The following CAMK4 variants were observed in gnomAD, a reference collection of about 807,000 sequenced individuals.
CAMK4 encodes the protein calcium/calmodulin-dependent protein kinase type IV.
A neutral mutation model predicts 44.9 loss-of-function variants in CAMK4; 22 were observed. That is an observed-to-expected ratio of 0.49 (90% CI 0.35 to 0.70). The LOEUF (loss-of-function observed/expected upper bound fraction) is 0.70, where lower values mean the gene tolerates loss of function less well. CAMK4 is among the 30% of genes least tolerant of loss of function. The probability of loss-of-function intolerance (pLI) is 0.01; values close to 1 mark genes in which losing one functional copy is unlikely to be tolerated. For missense variants in CAMK4, 498 were observed against 586.8 expected, an observed-to-expected ratio of 0.85 and a Z score of 1.56; for synonymous variants, 218 against 215.4, an observed-to-expected ratio of 1.01 and a Z score of -0.11.
At chr5:111,264,932 C>T (rs1051248429) in intron 1 of CAMK4, among the ~76,000 whole-genome samples, 1 of 152,046 alleles carries the variant, frequency 6.6e-6, no homozygotes. Context: ...GCTTTCTTGC[C>T]GTTGACCTTT....
chr5:111,370,215 T>A (rs568663767), intron 2 of CAMK4, among the ~76,000 whole-genome samples: 2 of 152,290 alleles, frequency 1.3e-5, no homozygotes, highest in East Asian at 1.9e-4. Flanking sequence ...TAGCCCAGAC[T>A]TTTTGCAGTC....
intron 1 of CAMK4, among the ~76,000 whole-genome samples, chr5:111,254,945 G>A (rs1749676601): frequency 6.6e-6 from 1 of 151,990 alleles, no homozygotes; most frequent in Admixed American, 6.6e-5. Flanking sequence ...GATGCTGGGG[G>A]GAAATGTGAA....
chr5:111,407,396 T>C (rs1752476984), intron 5 of CAMK4, among the ~76,000 whole-genome samples: 1 of 148,236 alleles, frequency 6.7e-6, no homozygotes, highest in South Asian at 2.1e-4. Flanking sequence ...CCCCAAAGTA[T>C]ACTAATAGAG....
chr5:111,264,570 T>C (rs1355423065), intron 1 of CAMK4, among the ~76,000 whole-genome samples: 1 of 152,228 alleles, frequency 6.6e-6, no homozygotes, highest in Admixed American at 6.5e-5. Flanking sequence ...AAATCTATTG[T>C]CCATGTGGTG....
chr5:111,417,489 T>A (rs1438051708), intron 5 of CAMK4, among the ~76,000 whole-genome samples: 1 of 151,966 alleles, frequency 6.6e-6, no homozygotes, highest in African/African-American at 2.4e-5. Context: ...GTGCTGGGAT[T>A]ACAGGCATGA....
At chr5:111,296,614 A>G (rs908751576) in intron 1 of CAMK4, among the ~76,000 whole-genome samples, 37 of 152,256 alleles carry the variant, frequency 2.4e-4, no homozygotes, top group African/African-American at 8.4e-4. Flanking sequence ...GGACAACTCT[A>G]TAAATGAGTA....
chr5:111,443,273 T>C (rs1184128051), intron 5 of CAMK4, among the ~76,000 whole-genome samples: 17 of 50,830 alleles, frequency 3.3e-4, no homozygotes, highest in African/African-American at 1.5e-3. Context: ...TATATATATA[T>C]ATATATACAC....
chr5:111,377,191 T>C (rs1348684245), intron 4 of CAMK4, among the ~76,000 whole-genome samples: 1 of 152,046 alleles, frequency 6.6e-6, no homozygotes, highest in African/African-American at 2.4e-5. Flanking sequence ...TTGCAAATAT[T>C]TGTCTCCTCA....
chr5:111,356,945 CAG>C (rs1214392662), intron 2 of CAMK4, among the ~76,000 whole-genome samples: 1 of 151,498 alleles, frequency 6.6e-6, no homozygotes, highest in Non-Finnish European at 1.5e-5. Flanking sequence ...GACAGAAAGA[CAG>C]AGAGAGAGAG....
At chr5:111,277,752 C>G (rs1432566894) in intron 1 of CAMK4, among the ~76,000 whole-genome samples, 2 of 151,302 alleles carry the variant, frequency 1.3e-5, no homozygotes, top group Non-Finnish European at 2.9e-5. Context: ...ACTGCATGTA[C>G]CATTTCATAT....
In CAMK4 at chr5:111,309,943, C is replaced by T. The variant is rs372951206; in HGVS notation, c.162-34081C>T. On this transcript the variant is annotated intron_variant, in intron 1 of 10. Transcript: ENST00000282356. ...GCAGGAAAATAAATGTGCTATCTCA[C>T]ACATGCTTCAGAATAGATAAATAGT... is the stretch of plus-strand genomic sequence containing the variant. 1.8e-4 allele frequency among the ~76,000 whole-genome samples: 28 copies of T among 152,236 alleles called. No individual in the cohort carries two copies. In the East Asian group the frequency reaches 3.1e-3, roughly 17 times the overall value.
chr5:111,233,495 G>A (rs904751491), intron 1 of CAMK4, among the ~76,000 whole-genome samples: 1 of 152,064 alleles, frequency 6.6e-6, no homozygotes, highest in African/African-American at 2.4e-5. Flanking sequence ...GCCTTTATTC[G>A]AAGGGCGTGA....
chr5:111,297,566 A>C (rs1164937939), intron 1 of CAMK4, among the ~76,000 whole-genome samples: 1 of 152,176 alleles, frequency 6.6e-6, no homozygotes, highest in East Asian at 1.9e-4. Context: ...ATTGACTATG[A>C]TTTGTTTAAA....
At position 111,482,458 on chromosome 5, in the gene CAMK4, G is replaced by A. The variant is rs138677304; in HGVS notation, c.829-327G>A. 2.8e-3 allele frequency: 552 copies of A among 193,718 alleles called. 3 individuals are homozygous for A. Among genetic ancestry groups the A allele is most frequent in the Non-Finnish European group, 4.3e-3 (413 of 96,024 alleles). 12.0% of individuals were successfully genotyped at this position (193,718 alleles called of 1,614,324 possible). On this transcript the variant is annotated intron_variant, in intron 9 of 10. Coordinates refer to ENST00000282356, the MANE Select transcript of CAMK4 (RefSeq NM_001744.6). This position sits in a 1 kb window ranked among gnomAD's most constrained non-coding sequence, Gnocchi z 4.9. ...GAATTCTAGGTGATTGTGAAGCGCA[G>A]CCCAGAATTATTTTGCTGGTTCTGC...
chr5:111,459,314 A>G (rs1754550761), intron 7 of CAMK4, among the ~76,000 whole-genome samples: 1 of 152,188 alleles, frequency 6.6e-6, no homozygotes, highest in East Asian at 1.9e-4. Flanking sequence ...GGCTCAATAT[A>G]CAAGACAACA....
At chr5:111,223,869 A>C (rs1580444332), upstream of CAMK4, 1 of 152,528 alleles carries the variant, frequency 6.6e-6, no homozygotes, top group Middle Eastern at 3.4e-3. This position sits in a 1 kb window ranked among gnomAD's most constrained non-coding sequence, Gnocchi z 4.3. Flanking sequence ...GGTGGGAGGG[A>C]CTCGCCACGG....
intron 1 of CAMK4, among the ~76,000 whole-genome samples, chr5:111,255,785 A>G (rs1455997588): frequency 6.6e-6 from 1 of 152,160 alleles, no homozygotes; most frequent in Admixed American, 6.5e-5. Context: ...GGAGTCTCTG[A>G]TGATGTTCTA....
intron 5 of CAMK4, among the ~76,000 whole-genome samples, chr5:111,405,955 G>A (rs1352891018): frequency 6.6e-6 from 1 of 152,070 alleles, no homozygotes; most frequent in Non-Finnish European, 1.5e-5. Flanking sequence ...ATGAAGAGTT[G>A]GGTATAATGA....
rs77423024 is a variant in CAMK4 at position 111,484,128 on chromosome 5, A to G, written c.1084A>G (p.Ile362Val). The G allele has an allele frequency of 6.2e-7, 1 of 1,614,206 alleles. No homozygotes were observed. Among genetic ancestry groups the G allele is most frequent in the African/African-American group, 1.3e-5 (1 of 75,066 alleles). The change falls in exon 11 of 11, where the codon ATC becomes GTC. Residue 362 changes from isoleucine to valine, a missense_variant. Physicochemically the swap from Ile to Val is conservative, Grantham distance 29 (BLOSUM62 3). Coordinates refer to ENST00000282356, the MANE Select transcript of CAMK4 (RefSeq NM_001744.6). The surrounding 1 kb of genome is among the most constrained non-coding windows in gnomAD (Gnocchi z 5.3). Reference protein sequence around the residue: ...SHKASRDPSPIQDGNEDMKAI... With the variant: ...SHKASRDPSPVQDGNEDMKAI... ...CAAGGCTAGCCGAGACCCTTCTCCA[A>G]TCCAAGATGGCAACGAGGACATGAA...
Sources: allele counts gnomAD v4.1 joint callset (sites outside exome capture counted in the v4.1 genomes callset), GRCh38; gene constraint gnomAD v4.1.1; non-coding constraint Gnocchi (gnomAD v3.1); transcripts MANE v1.5; gene names NCBI Gene and HGNC (gene_info 2026-07-23, HGNC 2026-07-21).